LOC128125817: variants seen among roughly 807,000 people sequenced by gnomAD.
the LOC128125817 span, among the ~76,000 whole-genome samples, chr1:41,610,613 T>C: frequency 2.6e-5 from 4 of 152,196 alleles, no homozygotes; most frequent in Non-Finnish European, 5.9e-5. Context: ...GGTGGGGCAG[T>C]GGCCCACAGC....
At chr1:41,624,295 G>T in the LOC128125817 span, among the ~76,000 whole-genome samples, 1 of 152,236 alleles carries the variant, frequency 6.6e-6, no homozygotes, top group Non-Finnish European at 1.5e-5. Flanking sequence ...AAGTGTTTCA[G>T]AGGCTCTCCA....
chr1:41,596,321 C>T, the LOC128125817 span, among the ~76,000 whole-genome samples: 3 of 152,200 alleles, frequency 2.0e-5, no homozygotes, highest in African/African-American at 7.2e-5. Context: ...CCAGGGTGAC[C>T]AGCCCCTCAT....
chr1:41,614,030 C>T, the LOC128125817 span, among the ~76,000 whole-genome samples: 4 of 152,218 alleles, frequency 2.6e-5, no homozygotes, highest in African/African-American at 9.6e-5. Flanking sequence ...GCCACAATGC[C>T]TGTGAGATCA....
At chr1:41,591,009 TTGAGTTGA>T in the LOC128125817 span, among the ~76,000 whole-genome samples, 2 of 152,220 alleles carry the variant, frequency 1.3e-5, no homozygotes, top group South Asian at 4.1e-4. Context: ...GTGGTTTAAA[TTGAGTTGA>T]CTCATATAAA....
the LOC128125817 span, among the ~76,000 whole-genome samples, chr1:41,598,347 T>C: frequency 1.3e-5 from 2 of 152,320 alleles, no homozygotes; most frequent in East Asian, 3.9e-4. Context: ...ACCTACAAGC[T>C]TCCTAGGTAG....
chr1:41,617,637 T>G, the LOC128125817 span, among the ~76,000 whole-genome samples: 1 of 152,230 alleles, frequency 6.6e-6, no homozygotes, highest in Non-Finnish European at 1.5e-5. Flanking sequence ...ACATTGACAG[T>G]GCACAGGAGA....
At chr1:41,587,499 C>T in the LOC128125817 span, among the ~76,000 whole-genome samples, 2 of 152,196 alleles carry the variant, frequency 1.3e-5, no homozygotes, top group African/African-American at 4.8e-5. Context: ...CAGGAATAAA[C>T]AAAGACAGTC....
chr1:41,617,892 T>C, the LOC128125817 span, among the ~76,000 whole-genome samples: 1 of 152,174 alleles, frequency 6.6e-6, no homozygotes, highest in Admixed American at 6.5e-5. Context: ...TTTAGTTCAG[T>C]GTCTTCTTTT....
chr1:41,596,663 CAT>C, the LOC128125817 span, among the ~76,000 whole-genome samples: 1 of 152,174 alleles, frequency 6.6e-6, no homozygotes, highest in Non-Finnish European at 1.5e-5. Context: ...ACAAAACAAA[CAT>C]ATTGATTCTT....
chr1:41,587,582 C>T, the LOC128125817 span, among the ~76,000 whole-genome samples: 4 of 152,206 alleles, frequency 2.6e-5, no homozygotes, highest in South Asian at 6.2e-4. Context: ...GGCATAAGTG[C>T]CAACTGTCTC....
At chr1:41,620,622 C>A in the LOC128125817 span, among the ~76,000 whole-genome samples, 1 of 152,170 alleles carries the variant, frequency 6.6e-6, no homozygotes, top group African/African-American at 2.4e-5. Flanking sequence ...CTGCCCCACC[C>A]AGCACGCCCC....
chr1:41,623,707 C>T, the LOC128125817 span, among the ~76,000 whole-genome samples: 1 of 152,196 alleles, frequency 6.6e-6, no homozygotes, highest in East Asian at 1.9e-4. Flanking sequence ...ATCCCAGCCA[C>T]CACCATCCAG....
the LOC128125817 span, among the ~76,000 whole-genome samples, chr1:41,619,201 C>T: frequency 1.9e-4 from 29 of 152,292 alleles, no homozygotes; most frequent in South Asian, 1.9e-3. Context: ...ATCTTGCCTC[C>T]GCCTGGAATA....
At chr1:41,622,427 G>A in the LOC128125817 span, among the ~76,000 whole-genome samples, 2 of 152,214 alleles carry the variant, frequency 1.3e-5, no homozygotes, top group Non-Finnish European at 2.9e-5. Flanking sequence ...ACGGGAACAG[G>A]CTGAACTGGG....
the LOC128125817 span, among the ~76,000 whole-genome samples, chr1:41,617,221 T>A: frequency 1.5e-5 from 2 of 130,934 alleles, no homozygotes; most frequent in African/African-American, 2.6e-5. Context: ...ATAAACATCC[T>A]TTATACACAT....
At chr1:41,592,656 G>T in the LOC128125817 span, among the ~76,000 whole-genome samples, 1 of 152,194 alleles carries the variant, frequency 6.6e-6, no homozygotes, top group African/African-American at 2.4e-5. Context: ...TGGCTTCTCT[G>T]GGGGAAGGGC....
chr1:41,612,828 C>T, the LOC128125817 span, among the ~76,000 whole-genome samples: 2 of 152,230 alleles, frequency 1.3e-5, no homozygotes, highest in African/African-American at 2.4e-5. Context: ...CTGTCCCCTC[C>T]CTTCATCTTT....
At chr1:41,593,576 T>C in the LOC128125817 span, among the ~76,000 whole-genome samples, 1 of 152,242 alleles carries the variant, frequency 6.6e-6, no homozygotes, top group Non-Finnish European at 1.5e-5. Flanking sequence ...AAGCTTTTCA[T>C]GGGGACTGGC....
chr1:41,602,929 C>T, the LOC128125817 span, among the ~76,000 whole-genome samples: 1 of 151,778 alleles, frequency 6.6e-6, no homozygotes, highest in African/African-American at 2.4e-5. Context: ...TTTCATTTCT[C>T]TTGAGGTATT....
Sources: gnomAD v4.1 joint callset for allele counts (sites outside exome capture counted in the v4.1 genomes callset) on GRCh38, gnomAD v4.1.1 for gene constraint, MANE v1.5 for transcripts.